Variants in PIEZO2 observed in about 807,000 individuals in gnomAD.
PIEZO2 encodes the protein piezo type mechanosensitive ion channel component 2, also known as piezo-type mechanosensitive ion channel component 2.
In PIEZO2, 172 loss-of-function variants were observed where a neutral mutation model predicts 337.3. The observed-to-expected ratio is 0.51, with a 90% CI of 0.45 to 0.58. The LOEUF is 0.58. PIEZO2 is among the 20% of genes least tolerant of loss of function. The pLI is 0.00. For synonymous variants in PIEZO2, 1,251 were observed against 1,228.5 expected (o/e 1.02, Z -0.38); for missense variants, 3,028 against 3,391.3 (o/e 0.89, Z 2.66).
intron 18 of PIEZO2, among the ~76,000 whole-genome samples, chr18:10,779,807 G>A (rs752656197): frequency 6.6e-6 from 1 of 152,158 alleles, no homozygotes; most frequent in Non-Finnish European, 1.5e-5. Flanking sequence ...ATCTGAGAAG[G>A]TTATGCCCCT....
intron 5 of PIEZO2, among the ~76,000 whole-genome samples, chr18:10,871,034 C>T (rs1001777488): frequency 6.6e-6 from 1 of 151,882 alleles, no homozygotes; most frequent in African/African-American, 2.4e-5. Flanking sequence ...CCTATGAACA[C>T]CCCTGAGCCT....
chr18:10,882,857 T>G (rs979948598), intron 4 of PIEZO2, among the ~76,000 whole-genome samples: 3 of 148,564 alleles, frequency 2.0e-5, no homozygotes, highest in African/African-American at 7.4e-5. Context: ...TTTTTTTTTT[T>G]GAGATGGAGT....
At chr18:10,699,366 T>A (rs1041639557) in intron 43 of PIEZO2, among the ~76,000 whole-genome samples, 189 bp from the exon 44 acceptor site, 4 of 152,176 alleles carry the variant, frequency 2.6e-5, no homozygotes, top group Admixed American at 2.0e-4. Flanking sequence ...TGGGACGTAA[T>A]TGAGTCATGG....
rs571030246 is a variant in PIEZO2, at chr18:10,670,470, C to G, written c.*1057G>C. The G allele has an allele frequency of 2.6e-5, 4 of 152,058 alleles. No individual in the cohort carries two copies. The East Asian group carries it at 5.8e-4, about 22-fold the overall frequency. The allele number at this position is 152,058 out of a possible 1,614,324, so 9.4% of individuals were successfully genotyped here. Reference sequence around the variant, plus strand: ...TTTAAGAAAAGGCCATTTTTATTTCCCCAAGCTCAATATACATATTTCTTT... The same window carrying G: ...TTTAAGAAAAGGCCATTTTTATTTCGCCAAGCTCAATATACATATTTCTTT... On this transcript the variant is annotated 3_prime_UTR_variant, in exon 56 of 56. Transcript: ENST00000674853.
At chr18:11,056,122 C>G (rs2037725826) in intron 2 of PIEZO2, among the ~76,000 whole-genome samples, 1 of 152,218 alleles carries the variant, frequency 6.6e-6, no homozygotes, top group Non-Finnish European at 1.5e-5. Context: ...GGGGCCTCAG[C>G]TGCTGGGATG....
At position 10,848,171 on chromosome 18, in the gene PIEZO2, T is replaced by C. The variant is rs138714970; in HGVS notation, c.917+7182A>G. On this transcript the variant is annotated intron_variant, in intron 7 of 55. Coordinates refer to ENST00000674853, the MANE Select transcript of PIEZO2 (RefSeq NM_001378183.1). ...TTGCAAAGCAAGACCGCGGCAGACC[T>C]AACAGAAGAGCTGACTGCATTCTTT... is the stretch of plus-strand genomic sequence containing the variant. Among the ~76,000 whole-genome samples, 13 of 152,332 alleles carry C rather than the reference T, an allele frequency of 8.5e-5. 1 individual carries two copies. In the East Asian group the frequency reaches 2.3e-3, roughly 27 times the overall value.
chr18:10,979,648 C>T lies in PIEZO2; in HGVS notation c.173G>A (p.Arg58Gln), dbSNP rs879674484. The T allele has an allele frequency of 4.1e-5, 63 of 1,534,534 alleles. No individual in the cohort carries two copies. The highest frequency in any genetic ancestry group is 5.2e-5 in the Non-Finnish European group (60 of 1,145,166). ...GATGAAGCACAGAGACTTTAATAAC[C>T]GTCCCGTATGTCCTAAGGGATAAAA... ...TKTTMQGHTGRLLKSLCFISL... is the reference protein window; with the variant it reads ...TKTTMQGHTGQLLKSLCFISL... Residue 58 changes from arginine (R) to glutamine (Q), a missense_variant, in exon 3 of 56, where the codon CGG (arginine) becomes CAG (glutamine). Coordinates refer to ENST00000674853, the MANE Select transcript of PIEZO2 (RefSeq NM_001378183.1). The surrounding 1 kb of genome is among the most constrained non-coding windows in gnomAD (Gnocchi z 4.0).
intron 3 of PIEZO2, among the ~76,000 whole-genome samples, chr18:10,957,380 G>C (rs1421761205): frequency 6.0e-5 from 9 of 148,804 alleles, no homozygotes; most frequent in Non-Finnish European, 1.0e-4. Flanking sequence ...CTGGGTGACA[G>C]AGACTCTTGT....
In PIEZO2 at chr18:10,917,331, T is replaced by C. The variant is rs564681631; in HGVS notation, c.287-6103A>G. On this transcript the variant is annotated intron_variant, in intron 3 of 55. Transcript: ENST00000674853. The stretch of plus-strand genomic sequence containing the variant: ...TAGACAAGTTACCCTTCAGTCTTTC[T>C]CCTCCCTTAATATAACACAAAAGGG... Among the ~76,000 whole-genome samples, 14 of 152,264 alleles carry C rather than the reference T, an allele frequency of 9.2e-5. No homozygotes were observed. The East Asian group carries it at 2.7e-3, about 29-fold the overall frequency.
chr18:10,911,672 T>A (rs1251370555), intron 3 of PIEZO2, among the ~76,000 whole-genome samples: 4 of 152,142 alleles, frequency 2.6e-5, no homozygotes, highest in Non-Finnish European at 5.9e-5. Context: ...GGAGAATCAC[T>A]TGAACATGGA....
chr18:11,115,083 A>G (rs1041426900), intron 1 of PIEZO2, among the ~76,000 whole-genome samples: 7 of 152,160 alleles, frequency 4.6e-5, no homozygotes, highest in African/African-American at 1.7e-4. Context: ...ATTGTCTTCT[A>G]TGTAATATTA....
At chr18:11,063,434 TAA>T (rs5823133) in intron 2 of PIEZO2, among the ~76,000 whole-genome samples, 1 of 151,562 alleles carries the variant, frequency 6.6e-6, no homozygotes, top group Admixed American at 6.6e-5. Context: ...AGTATAATAA[TAA>T]AAAAAAAGAC....
Position 10,834,109 on chromosome 18 carries a change from G to A in PIEZO2, c.917+21244C>T, listed in dbSNP as rs1229527645. 3.9e-5 allele frequency among the ~76,000 whole-genome samples: 6 copies of A among 152,220 alleles called. No individual in the cohort carries two copies. The highest frequency in any genetic ancestry group is 1.2e-4 in the African/African-American group (5 of 41,448). On this transcript the variant is annotated intron_variant, in intron 7 of 55. Transcript: ENST00000674853. This position sits in a 1 kb window ranked among gnomAD's most constrained non-coding sequence, Gnocchi z 4.5. ...GTGTAACAATCACATCAGGGTAAGT[G>A]GGGTGTCCATCACCTACAGCGTTGA...
chr18:11,061,005 C>T (rs1239699882), intron 2 of PIEZO2, among the ~76,000 whole-genome samples: 3 of 152,206 alleles, frequency 2.0e-5, no homozygotes, highest in Non-Finnish European at 4.4e-5. Flanking sequence ...CAAAAGTCCT[C>T]AATAAAATAC....
At position 10,775,531 on chromosome 18, in the gene PIEZO2, T is replaced by C. The variant is rs2038753812; in HGVS notation, c.2535-1493A>G. Among the ~76,000 whole-genome samples the C allele has an allele frequency of 6.6e-6, 1 of 152,204 alleles. No homozygotes were observed. The highest frequency in any genetic ancestry group is 1.5e-5 in the Non-Finnish European group (1 of 68,036). ...CTACATTGACACTGCTGCAATCTCA[T>C]ACGACAAGAAAACTACTTTCTAACA... On this transcript the variant is annotated intron_variant, in intron 18 of 55. Transcript: ENST00000674853. This position sits in a 1 kb window ranked among gnomAD's most constrained non-coding sequence, Gnocchi z 4.3.
Position 10,859,305 on chromosome 18 carries a change from A to G in PIEZO2, c.493-2094T>C, listed in dbSNP as rs575195461. ...GGCCCGTGGCCACTTCCGCTCCCCTAGAGAACAATTCCCATCTCATTCTCA... is the reference window on the plus strand; with the variant it reads ...GGCCCGTGGCCACTTCCGCTCCCCTGGAGAACAATTCCCATCTCATTCTCA... On this transcript the variant is annotated intron_variant, in intron 5 of 55. Transcript: ENST00000674853. The surrounding 1 kb of genome is among the most constrained non-coding windows in gnomAD (Gnocchi z 4.9). Among the ~76,000 whole-genome samples the G allele has an allele frequency of 5.3e-4, 80 of 152,330 alleles. 1 individual carries two copies. The highest frequency in any genetic ancestry group is 1.9e-3 in the African/African-American group (80 of 41,568).
chr18:10,831,206 A>G (rs1461740830), intron 7 of PIEZO2, among the ~76,000 whole-genome samples: 9 of 152,218 alleles, frequency 5.9e-5, no homozygotes, highest in African/African-American at 1.9e-4. Flanking sequence ...AAAGAAGTAT[A>G]TCGAAGAGAT....
rs533311493 is a variant in PIEZO2, at chr18:11,021,234, C to T, written c.161-41574G>A. On this transcript the variant is annotated intron_variant, in intron 2 of 55. Coordinates refer to ENST00000674853, the MANE Select transcript of PIEZO2 (RefSeq NM_001378183.1). The surrounding 1 kb of genome is among the most constrained non-coding windows in gnomAD (Gnocchi z 4.7). ...TACAACCTAACTCAACAGTGCTAGT[C>T]ACAGGTGTCAAGGAGACAGCTAATC... 4.6e-5 allele frequency among the ~76,000 whole-genome samples: 7 copies of T among 152,236 alleles called. No individual in the cohort carries two copies. The highest frequency in any genetic ancestry group is 1.0e-4 in the Non-Finnish European group (7 of 68,048).
At position 10,888,462 on chromosome 18, in the gene PIEZO2, G is replaced by C. The variant is rs1473795694; in HGVS notation, c.330-17047C>G. Among the ~76,000 whole-genome samples, 1 of 151,940 alleles carries C rather than the reference G, an allele frequency of 6.6e-6. No homozygotes were observed. Among genetic ancestry groups the C allele is most frequent in the Non-Finnish European group, 1.5e-5 (1 of 67,996 alleles). ...CTTCAGAAAGCCCTATTTTCTTTTT[G>C]TGCACCCTGGTATTCAGAGCTGGGC... On this transcript the variant is annotated intron_variant, in intron 4 of 55. Coordinates refer to ENST00000674853, the MANE Select transcript of PIEZO2 (RefSeq NM_001378183.1). This position sits in a 1 kb window ranked among gnomAD's most constrained non-coding sequence, Gnocchi z 4.1.
Sources: gnomAD v4.1 joint callset for allele counts (sites outside exome capture counted in the v4.1 genomes callset) on GRCh38, gnomAD v4.1.1 for gene constraint, Gnocchi (gnomAD v3.1) non-coding constraint, MANE v1.5 for transcripts, NCBI Gene and HGNC (gene_info 2026-07-23, HGNC 2026-07-21) for gene names.